Variants in ADAM12 observed in about 807,000 individuals in gnomAD.
ADAM12 encodes ADAM metallopeptidase domain 12, also known as disintegrin and metalloproteinase domain-containing protein 12.
Under a neutral mutation model 106.4 loss-of-function variants are expected in ADAM12, and 70 were observed. The ratio of observed to expected loss-of-function variants is 0.66; its 90% CI spans 0.54 to 0.80. ADAM12 has a LOEUF of 0.80. ADAM12 is among the 30% of genes least tolerant of loss of function. The pLI, the probability that ADAM12 is intolerant of heterozygous loss-of-function variation, is 0.00. For synonymous variants in ADAM12, 420 were observed against 433.5 expected, an observed-to-expected ratio of 0.97 and a Z score of 0.39; for missense variants, 1,010 against 1,171.9, an observed-to-expected ratio of 0.86 and a Z score of 2.02.
chr10:126,376,948 A>G (rs1856315544), intron 1 of ADAM12, among the ~76,000 whole-genome samples: 1 of 152,186 alleles, frequency 6.6e-6, no homozygotes, highest in Admixed American at 6.5e-5. Context: ...GGTAGATATG[A>G]TCTTTATCAC....
intron 3 of ADAM12, among the ~76,000 whole-genome samples, chr10:126,207,236 A>G (rs1204442755): frequency 1.3e-5 from 2 of 152,212 alleles, no homozygotes; most frequent in Admixed American, 6.5e-5. Flanking sequence ...GAAACAATGG[A>G]ATGGGGAGAC....
At chr10:126,078,277 G>A (rs773295203) in intron 11 of ADAM12, among the ~76,000 whole-genome samples, 41 of 152,114 alleles carry the variant, frequency 2.7e-4, no homozygotes, top group Non-Finnish European at 5.3e-4. Context: ...GTTTTCAAGT[G>A]TCTATTATAC....
intron 18 of ADAM12, among the ~76,000 whole-genome samples, chr10:126,039,932 GTAGA>G (rs1424530408): frequency 6.6e-6 from 1 of 152,194 alleles, no homozygotes; most frequent in East Asian, 1.9e-4. Context: ...ACATCTCAAA[GTAGA>G]TAGTGAAAAA....
intron 3 of ADAM12, among the ~76,000 whole-genome samples, chr10:126,278,071 T>A (rs1959359738): frequency 6.6e-6 from 1 of 152,006 alleles, no homozygotes; most frequent in South Asian, 2.1e-4. Flanking sequence ...TCAGAAAAAA[T>A]CACCATCCTG....
At chr10:126,266,382 G>A (rs978194049) in intron 3 of ADAM12, among the ~76,000 whole-genome samples, 1 of 152,168 alleles carries the variant, frequency 6.6e-6, no homozygotes, top group Non-Finnish European at 1.5e-5. Flanking sequence ...GAGAAAGATG[G>A]GTGAGGAAAG....
chr10:126,245,171 C>G (rs1228685454), intron 3 of ADAM12, among the ~76,000 whole-genome samples: 1 of 152,196 alleles, frequency 6.6e-6, no homozygotes, highest in Non-Finnish European at 1.5e-5. Context: ...CATTGGCATG[C>G]TCCAGTCTGT....
chr10:126,103,595 C>A (rs185058726), intron 8 of ADAM12, among the ~76,000 whole-genome samples: 7 of 152,344 alleles, frequency 4.6e-5, no homozygotes, highest in Admixed American at 6.5e-5. Context: ...GGCCAGCTAA[C>A]CCTGACGCTC....
chr10:126,321,941 G>C (rs1854117418), intron 2 of ADAM12, among the ~76,000 whole-genome samples: 1 of 149,156 alleles, frequency 6.7e-6, no homozygotes, highest in African/African-American at 2.5e-5. Flanking sequence ...GTGCACAACA[G>C]CATCCACCTT....
At chr10:126,261,290 C>T (rs1202718130) in intron 3 of ADAM12, among the ~76,000 whole-genome samples, 1 of 152,220 alleles carries the variant, frequency 6.6e-6, no homozygotes, top group South Asian at 2.1e-4. Flanking sequence ...CATCTGAGGA[C>T]AGGAGATTGA....
At chr10:126,202,729 T>C (rs1957725489) in intron 3 of ADAM12, among the ~76,000 whole-genome samples, 1 of 152,174 alleles carries the variant, frequency 6.6e-6, no homozygotes, top group South Asian at 2.1e-4. Context: ...GCAAAAGAGC[T>C]TCATATCAAC....
intron 9 of ADAM12, 32 bp from the exon 10 acceptor site, chr10:126,098,532 C>A: frequency 1.3e-6 from 2 of 1,547,654 alleles, no homozygotes; most frequent in South Asian, 2.2e-5. Flanking sequence ...TTTCTTTAAT[C>A]AAATTAGAAC....
At chr10:126,255,255 A>C (rs1157642784) in intron 3 of ADAM12, among the ~76,000 whole-genome samples, 2 of 152,176 alleles carry the variant, frequency 1.3e-5, no homozygotes, top group Non-Finnish European at 2.9e-5. Flanking sequence ...ACACTCAATG[A>C]AAGTTTGTGA....
At chr10:126,346,303 T>C (rs969497014) in intron 1 of ADAM12, among the ~76,000 whole-genome samples, 1 of 152,244 alleles carries the variant, frequency 6.6e-6, no homozygotes, top group East Asian at 1.9e-4. Flanking sequence ...CAGGAGCAGG[T>C]TGTTCAGTTT....
intron 1 of ADAM12, among the ~76,000 whole-genome samples, chr10:126,348,255 G>C (rs767263571): frequency 6.6e-6 from 1 of 152,196 alleles, no homozygotes; most frequent in Non-Finnish European, 1.5e-5. Flanking sequence ...TGGTAAAGAA[G>C]ACGGAAAGGG....
At chr10:126,302,099 G>A (rs1960649597) in intron 2 of ADAM12, among the ~76,000 whole-genome samples, 1 of 152,094 alleles carries the variant, frequency 6.6e-6, no homozygotes, top group Admixed American at 6.6e-5. Context: ...GATTCTCAGG[G>A]TCATCCAATT....
At chr10:126,056,192 G>C (rs1252568956) in intron 14 of ADAM12, among the ~76,000 whole-genome samples, 1 of 152,194 alleles carries the variant, frequency 6.6e-6, no homozygotes, top group African/African-American at 2.4e-5. Flanking sequence ...ATTCATTTGA[G>C]CTTTCACCCA....
At chr10:126,151,716 T>C (rs1956731029) in intron 4 of ADAM12, among the ~76,000 whole-genome samples, 1 of 151,956 alleles carries the variant, frequency 6.6e-6, no homozygotes, top group African/African-American at 2.4e-5. Context: ...TTTTTGTCAG[T>C]AAATATTAAA....
chr10:126,231,980 C>T (rs1481484830), intron 3 of ADAM12, among the ~76,000 whole-genome samples: 2 of 152,160 alleles, frequency 1.3e-5, no homozygotes, highest in Non-Finnish European at 2.9e-5. Flanking sequence ...ACTTGAATGT[C>T]CAGCAGACAC....
intron 5 of ADAM12, among the ~76,000 whole-genome samples, chr10:126,125,999 C>T (rs1016898029): frequency 2.0e-5 from 3 of 152,022 alleles, no homozygotes; most frequent in African/African-American, 7.2e-5. Flanking sequence ...CTGAAGAAAC[C>T]AACCCTGCTG....
Sources: allele counts gnomAD v4.1 joint callset (sites outside exome capture counted in the v4.1 genomes callset), GRCh38; gene constraint gnomAD v4.1.1; transcripts MANE v1.5; gene names NCBI Gene and HGNC (gene_info 2026-07-23, HGNC 2026-07-21).